ERG: variants seen among roughly 807,000 people sequenced by gnomAD.
The protein encoded by ERG is transcriptional regulator ERG.
A neutral mutation model predicts 55.3 loss-of-function variants in ERG; 9 were observed. The observed-to-expected ratio is 0.16, with a 90% confidence interval of 0.10 to 0.28. ERG has a LOEUF of 0.28. ERG is among the 10% of genes least tolerant of loss of function. The pLI, the probability that ERG is intolerant of heterozygous loss-of-function variation, is 1.00. For missense variants in ERG, 434 were observed against 631.6 expected, an observed-to-expected ratio of 0.69 and a Z score of 3.35; for synonymous variants, 223 against 237.3, an observed-to-expected ratio of 0.94 and a Z score of 0.55.
downstream of ERG, among the ~76,000 whole-genome samples, chr21:38,376,868 C>A (rs914542206): frequency 3.2e-4 from 48 of 152,234 alleles, no homozygotes; most frequent in Non-Finnish European, 2.1e-4. Context: ...GCGTCCCCAG[C>A]AAGCAGCACT....
intron 2 of ERG, among the ~76,000 whole-genome samples, chr21:38,565,222 G>A (rs947334050): frequency 1.1e-4 from 17 of 152,154 alleles, no homozygotes; most frequent in African/African-American, 3.1e-4. Context: ...GCTGCCTGGT[G>A]CCTGGCAATG....
At chr21:38,398,433 C>T (rs2146444419) in intron 6 of ERG, among the ~76,000 whole-genome samples, 1 of 152,300 alleles carries the variant, frequency 6.6e-6, no homozygotes, top group African/African-American at 2.4e-5. Flanking sequence ...CTCATAATCA[C>T]AGTAGCAGTG....
intron 2 of ERG, among the ~76,000 whole-genome samples, chr21:38,524,795 G>A (rs1208073968): frequency 1.3e-5 from 2 of 152,190 alleles, no homozygotes; most frequent in Non-Finnish European, 2.9e-5. Context: ...AACAGTAACA[G>A]TGTCCTTTAT....
chr21:38,398,256 G>A (rs1180494998), intron 6 of ERG, among the ~76,000 whole-genome samples: 1 of 152,142 alleles, frequency 6.6e-6, no homozygotes, highest in African/African-American at 2.4e-5. Context: ...ATCTCCACAG[G>A]AGCAGTCCTT....
At chr21:38,640,653 T>C (rs2060418612) in intron 1 of ERG, among the ~76,000 whole-genome samples, 1 of 152,204 alleles carries the variant, frequency 6.6e-6, no homozygotes. Flanking sequence ...TCTGCCATGA[T>C]TGTGAGGCCT....
intron 3 of ERG, among the ~76,000 whole-genome samples, chr21:38,411,499 G>A (rs186279989): frequency 2.0e-5 from 3 of 151,918 alleles, no homozygotes; most frequent in Non-Finnish European, 4.4e-5. Context: ...ATAGAGATGG[G>A]GTTTCACCAT....
chr21:38,414,083 G>T (rs2146481306), intron 3 of ERG, among the ~76,000 whole-genome samples: 1 of 152,294 alleles, frequency 6.6e-6, no homozygotes, highest in East Asian at 1.9e-4. Context: ...GCAAGGCCTT[G>T]CTCCATCCGA....
chr21:38,504,501 C>A (rs2059445732), intron 2 of ERG, among the ~76,000 whole-genome samples: 2 of 152,174 alleles, frequency 1.3e-5, no homozygotes. Context: ...CTTAAAATAA[C>A]TTTTAAATGT....
intron 2 of ERG, among the ~76,000 whole-genome samples, chr21:38,537,441 AATAT>A (rs1555854661): frequency 0.033 from 1,699 of 52,184 alleles, 12 homozygotes; most frequent in Middle Eastern, 0.053. Flanking sequence ...CAGAAAAAAA[AATAT>A]ATATATATAT....
intron 1 of ERG, among the ~76,000 whole-genome samples, chr21:38,611,975 TG>T (rs1461973730): frequency 2.0e-5 from 3 of 152,172 alleles, no homozygotes; most frequent in African/African-American, 7.2e-5. Flanking sequence ...TGAGTCAACA[TG>T]GTGATTTAAA....
intron 1 of ERG, among the ~76,000 whole-genome samples, chr21:38,653,082 C>G (rs978562278): frequency 6.6e-6 from 1 of 152,152 alleles, no homozygotes; most frequent in Non-Finnish European, 1.5e-5. Flanking sequence ...TGTGAATGTT[C>G]CCCTCCTTTC....
chr21:38,568,541 G>A lies in ERG; in HGVS notation c.-41+7121C>T, dbSNP rs74932487. On this transcript the variant is annotated intron_variant, in intron 2 of 8. Coordinates refer to the ERG transcript ENST00000398897. ...AAAGTATAAAAGCCAAAGGGAAAAG[G>A]AAGCCAAGGGGTGAAAATCCTAATT... is the stretch of plus-strand genomic sequence containing the variant. Among the ~76,000 whole-genome samples the A allele has an allele frequency of 8.8e-4, 134 of 152,292 alleles. 4 individuals are homozygous for A. The East Asian group carries it at 0.023, about 26-fold the overall frequency.
chr21:38,436,358 A>G (rs2058790253), intron 2 of ERG, among the ~76,000 whole-genome samples: 1 of 152,142 alleles, frequency 6.6e-6, no homozygotes, highest in Non-Finnish European at 1.5e-5. Flanking sequence ...AATGTTTCTA[A>G]AATGTGTAAC....
chr21:38,465,806 T>G (rs1359304129), intron 1 of ERG, among the ~76,000 whole-genome samples: 1 of 152,230 alleles, frequency 6.6e-6, no homozygotes, highest in Non-Finnish European at 1.5e-5. Flanking sequence ...ACCACTTTAC[T>G]TTGGTTCTCC....
At chr21:38,418,701 C>T (rs1252801766) in intron 3 of ERG, among the ~76,000 whole-genome samples, 4 of 151,808 alleles carry the variant, frequency 2.6e-5, no homozygotes, top group South Asian at 2.1e-4. Flanking sequence ...CCGAGGTGGG[C>T]GGATCACCTG....
At chr21:38,464,388 C>T (rs2146603614) in intron 1 of ERG, among the ~76,000 whole-genome samples, 2 of 152,276 alleles carry the variant, frequency 1.3e-5, no homozygotes, top group Middle Eastern at 3.4e-3. Flanking sequence ...GTGCTTCAAA[C>T]TATTTGTGGA....
intron 2 of ERG, among the ~76,000 whole-genome samples, chr21:38,538,394 G>T (rs2059727198): frequency 6.6e-6 from 1 of 151,404 alleles, no homozygotes; most frequent in East Asian, 1.9e-4. Flanking sequence ...AAAAAAAAAA[G>T]AAGATTCCTG....
intron 1 of ERG, among the ~76,000 whole-genome samples, chr21:38,488,170 G>C (rs2059304065): frequency 6.6e-6 from 1 of 152,142 alleles, no homozygotes; most frequent in Non-Finnish European, 1.5e-5. Context: ...AGCTAGCTTG[G>C]AGTGAATGAA....
At chr21:38,369,724 T>A in the ERG span, among the ~76,000 whole-genome samples, 1 of 152,230 alleles carries the variant, frequency 6.6e-6, no homozygotes, top group South Asian at 2.1e-4. Flanking sequence ...ATTGCCTAGG[T>A]TGTCTTCCAT....
Sources: gnomAD v4.1 joint callset for allele counts (sites outside exome capture counted in the v4.1 genomes callset) on GRCh38, gnomAD v4.1.1 for gene constraint, MANE v1.5 for transcripts, NCBI Gene and HGNC (gene_info 2026-07-23, HGNC 2026-07-21) for gene names.